IFRD1: variants seen among roughly 807,000 people sequenced by gnomAD.
The protein encoded by IFRD1 is interferon-related developmental regulator 1.
Under a neutral mutation model 52.9 loss-of-function variants are expected in IFRD1, and 35 were observed. The observed-to-expected ratio is 0.66, with a 90% CI of 0.51 to 0.88. The LOEUF (loss-of-function observed/expected upper bound fraction) is 0.88. IFRD1 is among the 40% of genes least tolerant of loss of function. The probability of loss-of-function intolerance (pLI) is 0.00; values close to 1 mark genes in which losing one functional copy is unlikely to be tolerated. For missense variants in IFRD1, 517 were observed against 550.8 expected (o/e 0.94, Z 0.61); for synonymous variants, 184 against 188.4 (o/e 0.98, Z 0.19).
chr7:112,426,035 C>T (rs1794422195), intron 1 of IFRD1, among the ~76,000 whole-genome samples: 1 of 151,978 alleles, frequency 6.6e-6, no homozygotes, highest in South Asian at 2.1e-4. Flanking sequence ...TCTGGTATTC[C>T]TCTCTCCTTC....
At chr7:112,434,650 TTACA>T (rs777208867) in intron 1 of IFRD1, among the ~76,000 whole-genome samples, 10 of 152,226 alleles carry the variant, frequency 6.6e-5, no homozygotes, top group Non-Finnish European at 1.3e-4. Flanking sequence ...TTCCATGTTA[TTACA>T]TAAAGACAAA....
At chr7:112,462,693 C>T (rs1795471501) in intron 8 of IFRD1, among the ~76,000 whole-genome samples, 2 of 152,092 alleles carry the variant, frequency 1.3e-5, no homozygotes, top group African/African-American at 2.4e-5. Flanking sequence ...TCTCAGATAC[C>T]CAATACATCA....
intron 9 of IFRD1, among the ~76,000 whole-genome samples, chr7:112,471,772 G>A (rs1323117919): frequency 1.3e-5 from 2 of 151,826 alleles, no homozygotes; most frequent in African/African-American, 2.4e-5. Context: ...TTTCCTTTTT[G>A]CTTGGTCAGT....
chr7:112,475,583 C>A lies in IFRD1; in HGVS notation c.*64C>A. ...TTTTTTCTATTTCAATGTATTTAAA[C>A]TCTAGACACAGTTTTTATCCTGGAT... On this transcript the variant is annotated 3_prime_UTR_variant, in exon 12 of 12. Transcript: ENST00000403825. 1.0e-6 allele frequency: 1 copy of A among 966,128 alleles called. No homozygotes were observed. The highest frequency in any genetic ancestry group is 1.6e-6 in the Non-Finnish European group (1 of 621,902). 59.8% of individuals were successfully genotyped at this position (966,128 alleles called of 1,614,324 possible). A position where few individuals can be genotyped will look rare whatever the true frequency, so the allele number is the denominator to read the frequency against.
At chr7:112,444,185 T>C (rs562827615) in intron 1 of IFRD1, among the ~76,000 whole-genome samples, 9 of 152,366 alleles carry the variant, frequency 5.9e-5, no homozygotes, top group Admixed American at 5.2e-4. Context: ...TCATATTTTA[T>C]TATTGATAAT....
intron 8 of IFRD1, among the ~76,000 whole-genome samples, chr7:112,464,591 T>C (rs117492535): frequency 7.7e-4 from 117 of 152,334 alleles, no homozygotes; most frequent in Middle Eastern, 3.4e-3. Flanking sequence ...AGGTACAGTG[T>C]AAGTGTTAGC....
chr7:112,462,035 T>C lies in IFRD1; in HGVS notation c.653T>C (p.Ile218Thr), dbSNP rs1483579642. 5.0e-6 allele frequency: 8 copies of C among 1,613,212 alleles called. No homozygotes were observed. Among genetic ancestry groups the C allele is most frequent in the Admixed American group, 1.7e-5 (1 of 59,934 alleles). ...LYSTLECLEN[I>T]FTKSYLKEKD... is the part of the protein sequence containing the mutation. The stretch of plus-strand genomic sequence containing the variant: ...TCAACTCTGGAATGTTTGGAAAATA[T>C]CTTCACTAAATCCTATCTCAAAGAG... The change falls in exon 7 of 12, where the codon ATC becomes ACC. Residue 218 changes from isoleucine to threonine, a missense_variant. Coordinates refer to ENST00000403825, the MANE Select transcript of IFRD1 (RefSeq NM_001550.4).
At chr7:112,463,881 CACACACACACA>C (rs774546445) in intron 8 of IFRD1, among the ~76,000 whole-genome samples, 2,571 of 54,048 alleles carry the variant, frequency 0.048, 45 homozygotes, top group African/African-American at 0.15. Flanking sequence ...CACACACACA[CACACACACACA>C]CACCCCACGT....
chr7:112,453,228 G>A (rs1008131156), intron 1 of IFRD1, among the ~76,000 whole-genome samples: 3 of 152,066 alleles, frequency 2.0e-5, no homozygotes, highest in Admixed American at 6.5e-5. Flanking sequence ...GTTTTAGGAA[G>A]CTAATAAAAT....
intron 5 of IFRD1, among the ~76,000 whole-genome samples, chr7:112,459,806 C>G (rs539108417): frequency 6.6e-6 from 1 of 152,298 alleles, no homozygotes; most frequent in South Asian, 2.1e-4. Flanking sequence ...ACAGACTCAG[C>G]CAGAGCACAT....
rs199789909 is a variant in IFRD1, at chr7:112,443,441, AT to A, written c.-181-7066del. On this transcript the variant is annotated intron_variant, in intron 1 of 12. Transcript: ENST00000005558. ...TAAATAAGTAAATTAGCTGGGATAC[AT>A]GCGTCTGTATCCCAGCTACTCAGGA... Among the ~76,000 whole-genome samples the A allele has an allele frequency of 2.4e-4, 37 of 151,738 alleles. No individual in the cohort carries two copies. The East Asian group carries it at 6.8e-3, about 28-fold the overall frequency.
intron 8 of IFRD1, among the ~76,000 whole-genome samples, chr7:112,462,988 A>G (rs1795482929): frequency 1.3e-5 from 2 of 152,270 alleles, no homozygotes; most frequent in Non-Finnish European, 2.9e-5. Context: ...AGCACTTACC[A>G]TCTTATGTTC....
intron 5 of IFRD1, 125 bp downstream of exon 5, chr7:112,459,143 G>A: frequency 1.2e-6 from 1 of 807,890 alleles, no homozygotes; most frequent in Non-Finnish European, 2.1e-6. Flanking sequence ...AAGTCCAGGA[G>A]TTTGAGGCAG....
At position 112,462,048 on chromosome 7, in the gene IFRD1, C is replaced by G; in HGVS notation, c.666C>G (p.Ser222=). 1 of 1,613,184 alleles carries G rather than the reference C, an allele frequency of 6.2e-7. No individual in the cohort carries two copies. The highest frequency in any genetic ancestry group is 8.5e-7 in the Non-Finnish European group (1 of 1,179,470). ...GTTTGGAAAATATCTTCACTAAATC[C>G]TATCTCAAAGAGAAAGACACTACTG... is the stretch of plus-strand genomic sequence containing the variant. The part of the protein sequence containing the change: ...LECLENIFTK[S]YLKEKDTTVI... The change falls in exon 7 of 12, where the codon TCC becomes TCG. Residue 222 remains serine (S), a synonymous_variant. Coordinates refer to ENST00000403825, the MANE Select transcript of IFRD1 (RefSeq NM_001550.4).
chr7:112,451,092 A>G (rs1443057040), intron 1 of IFRD1: 1 of 346,322 alleles, frequency 2.9e-6, no homozygotes, highest in African/African-American at 2.1e-5. Flanking sequence ...CCATTGTCAG[A>G]GTTCCTTTCT....
rs1219086671 is a variant in IFRD1 at position 112,472,299 on chromosome 7, T to A, written c.1122T>A (p.Tyr374Ter). ...YIDCWVKKHT[Y>*]DTFKEVLGSG... Reference sequence around the variant, plus strand: ...ATTGCTGGGTAAAAAAACACACCTATGACACCTTTAAGGAGGTTCTTGGAT... The same window carrying A: ...ATTGCTGGGTAAAAAAACACACCTAAGACACCTTTAAGGAGGTTCTTGGAT... The change falls in exon 10 of 12, where the codon TAT becomes TAA. Residue 374 changes from tyrosine to a stop codon, truncating the protein, a stop_gained. Coordinates refer to ENST00000403825, the MANE Select transcript of IFRD1 (RefSeq NM_001550.4). LOFTEE classifies it high-confidence loss of function. 1.2e-6 allele frequency: 2 copies of A among 1,614,032 alleles called. No homozygotes were observed. Among genetic ancestry groups the A allele is most frequent in the Admixed American group, 3.3e-5 (2 of 60,014 alleles).
chr7:112,472,184 G>T (rs760868779), intron 9 of IFRD1, 35 bp from the exon 10 acceptor site: 144 of 1,612,196 alleles, frequency 8.9e-5, no homozygotes, highest in Non-Finnish European at 1.7e-6. Flanking sequence ...AGCCATTTTA[G>T]TGCCTGTGGT....
rs901280062 is a variant in IFRD1 at position 112,450,840 on chromosome 7, A to G, written c.94+58A>G. The G allele has an allele frequency of 1.8e-5, 21 of 1,183,568 alleles. No homozygotes were observed. The African/African-American group carries it at 2.9e-4, about 16-fold the overall frequency. The allele number at this position is 1,183,568 out of a possible 1,614,324, so 73.3% of individuals were successfully genotyped here. On this transcript the variant is annotated intron_variant, in intron 1 of 11. Coordinates refer to ENST00000403825, the MANE Select transcript of IFRD1 (RefSeq NM_001550.4). ...TGCCGGCCAGGCTGGCGAGTCTTCC[A>G]TGCTTCGGCACGGTGGGAGTTGTAG...
Position 112,472,760 on chromosome 7 carries a change from C to T in IFRD1, c.1171-6C>T, listed in dbSNP as rs1166586207. The T allele has an allele frequency of 6.3e-7, 1 of 1,586,602 alleles. No individual in the cohort carries two copies. The highest frequency in any genetic ancestry group is 1.1e-5 in the South Asian group (1 of 90,534). ...TGAGCCATACCACCTTTTTCTTTCACATAAGTCAAATGAATTCCTTCGAAA... is the reference window on the plus strand; with the variant it reads ...TGAGCCATACCACCTTTTTCTTTCATATAAGTCAAATGAATTCCTTCGAAA... On this transcript the variant is annotated splice_region_variant and splice_polypyrimidine_tract_variant and intron_variant, in intron 10 of 11. Coordinates refer to ENST00000403825, the MANE Select transcript of IFRD1 (RefSeq NM_001550.4).
Sources: allele counts gnomAD v4.1 joint callset (sites outside exome capture counted in the v4.1 genomes callset), GRCh38; gene constraint gnomAD v4.1.1; transcripts MANE v1.5; gene names NCBI Gene and HGNC (gene_info 2026-07-23, HGNC 2026-07-21).